GUCD1: variants seen among roughly 807,000 people sequenced by gnomAD.
The protein encoded by GUCD1 is protein GUCD1.
A neutral mutation model predicts 28.3 loss-of-function variants in GUCD1; 17 were observed. The observed-to-expected ratio is 0.60, with a 90% CI of 0.41 to 0.90. The LOEUF is 0.90. Ranked by LOEUF, GUCD1 falls within the 40% of genes least tolerant of loss-of-function variation. GUCD1 has a pLI of 0.00. For missense variants in GUCD1, 279 were observed against 305.5 expected (o/e 0.91, Z 0.65); for synonymous variants, 129 against 123.3 (o/e 1.05, Z -0.30).
chr22:24,555,867 TAG>T (rs1441997042), upstream of GUCD1: 2 of 1,524,730 alleles, frequency 1.3e-6, no homozygotes, highest in Admixed American at 3.9e-5. Flanking sequence ...ACTGGTGCCC[TAG>T]TTTCCCAGCC....
Position 24,555,069 on chromosome 22 carries a change from G to A in GUCD1, c.-78C>T, listed in dbSNP as rs1285718113. The A allele has an allele frequency of 3.7e-6, 5 of 1,348,372 alleles. No individual in the cohort carries two copies. The highest frequency in any genetic ancestry group is 3.9e-5 in the Admixed American group (1 of 25,548). The allele number at this position is 1,348,372 out of a possible 1,614,324, so 83.5% of individuals were successfully genotyped here. On this transcript the variant is annotated 5_prime_UTR_variant, in exon 1 of 6. Transcript: ENST00000435822. Reference sequence around the variant, plus strand: ...TCCGCTTCGGCTGGGGCGGGAGGGCGGTCGGTGCGTGTCGAGTTCCTTCTC... The same window carrying A: ...TCCGCTTCGGCTGGGGCGGGAGGGCAGTCGGTGCGTGTCGAGTTCCTTCTC...
intron 5 of GUCD1, 69 bp downstream of exon 5, chr22:24,543,773 T>G (rs2044652775): frequency 1.3e-6 from 2 of 1,568,602 alleles, no homozygotes; most frequent in African/African-American, 2.7e-5. Context: ...GGGTGGGAAC[T>G]GTGGGCACTG....
At chr22:24,555,685 C>G (rs1359028698), upstream of GUCD1, 16 of 1,550,536 alleles carry the variant, frequency 1.0e-5, no homozygotes, top group Non-Finnish European at 1.4e-5. Flanking sequence ...CTCCTGCTGT[C>G]CCCGGTCTGA....
At position 24,546,901 on chromosome 22, in the gene GUCD1, T is replaced by C. The variant is rs371120993; in HGVS notation, c.386+13A>G. On this transcript the variant is annotated intron_variant, in intron 4 of 5. Transcript: ENST00000435822. Reference sequence around the variant, plus strand: ...ATGAGAGGAAGGGCAGGTAGGAAAGTTGGGGGGCTCACCATTTCTCCACCA... The same window carrying C: ...ATGAGAGGAAGGGCAGGTAGGAAAGCTGGGGGGCTCACCATTTCTCCACCA... 17 of 1,611,454 alleles carry C rather than the reference T, an allele frequency of 1.1e-5. No homozygotes were observed. Among genetic ancestry groups the C allele is most frequent in the Non-Finnish European group, 1.4e-5 (16 of 1,178,202 alleles).
At position 24,547,041 on chromosome 22, in the gene GUCD1, C is replaced by A; in HGVS notation, c.295-36G>T. On this transcript the variant is annotated intron_variant, in intron 3 of 5. Transcript: ENST00000435822. ...AAGAGGGGGATGGAGTGGCCACCACCCAGGCTGCCTTCACTCCATTTAGAT... is the reference window on the plus strand; with the variant it reads ...AAGAGGGGGATGGAGTGGCCACCACACAGGCTGCCTTCACTCCATTTAGAT... 2.7e-6 allele frequency: 4 copies of A among 1,502,076 alleles called. No homozygotes were observed. In the South Asian group the frequency reaches 4.5e-5, roughly 17 times the overall value. The allele number at this position is 1,502,076 out of a possible 1,614,324, so 93.0% of individuals were successfully genotyped here.
In GUCD1 at chr22:24,555,069, G is replaced by T; in HGVS notation, c.-78C>A. On this transcript the variant is annotated 5_prime_UTR_variant, in exon 1 of 6. Coordinates refer to ENST00000435822, the MANE Select transcript of GUCD1 (RefSeq NM_001284254.2). ...TCCGCTTCGGCTGGGGCGGGAGGGCGGTCGGTGCGTGTCGAGTTCCTTCTC... is the reference window on the plus strand; with the variant it reads ...TCCGCTTCGGCTGGGGCGGGAGGGCTGTCGGTGCGTGTCGAGTTCCTTCTC... The T allele has an allele frequency of 7.4e-7, 1 of 1,348,484 alleles. No individual in the cohort carries two copies. The highest frequency in any genetic ancestry group is 9.6e-7 in the Non-Finnish European group (1 of 1,046,436). The allele number at this position is 1,348,484 out of a possible 1,614,324, so 83.5% of individuals were successfully genotyped here.
At chr22:24,545,116 G>C (rs929158877) in intron 4 of GUCD1, among the ~76,000 whole-genome samples, 1 of 152,096 alleles carries the variant, frequency 6.6e-6, no homozygotes, top group African/African-American at 2.4e-5. Context: ...AGGGGCTCCT[G>C]CATCTTTGCT....
In GUCD1 at chr22:24,546,952, A is replaced by C. The variant is rs781186272; in HGVS notation, c.348T>G (p.Phe116Leu). 2.5e-6 allele frequency: 4 copies of C among 1,614,134 alleles called. No individual in the cohort carries two copies. Among genetic ancestry groups the C allele is most frequent in the Non-Finnish European group, 3.4e-6 (4 of 1,180,022 alleles). Reference protein sequence around the residue: ...DTEETRVNQLFAQAKACKVLV... With the variant: ...DTEETRVNQLLAQAKACKVLV... ...GCACCTTGCAGGCCTTTGCTTGTGCAAACAGCTGATTCACCCGGGTCTCTT... is the reference window on the plus strand; with the variant it reads ...GCACCTTGCAGGCCTTTGCTTGTGCCAACAGCTGATTCACCCGGGTCTCTT... The change falls in exon 4 of 6, where the codon TTT (phenylalanine) becomes TTG (leucine). Residue 116 changes from phenylalanine (F) to leucine (L), a missense_variant. Transcript: ENST00000435822.
chr22:24,555,402 A>G (rs1051291729), upstream of GUCD1: 11 of 1,236,376 alleles, frequency 8.9e-6, no homozygotes, highest in Non-Finnish European at 1.1e-5. Flanking sequence ...TTTCCTGAAT[A>G]GAGGCTCGTC....
intron 1 of GUCD1, among the ~76,000 whole-genome samples, chr22:24,549,528 T>C (rs1038293503): frequency 3.3e-5 from 5 of 152,160 alleles, no homozygotes; most frequent in African/African-American, 9.7e-5. Flanking sequence ...TTTTCTTTTT[T>C]TTCAACAGGG....
chr22:24,544,899 G>A (rs1037513176), intron 4 of GUCD1, among the ~76,000 whole-genome samples: 2 of 152,110 alleles, frequency 1.3e-5, no homozygotes, highest in Non-Finnish European at 2.9e-5. Flanking sequence ...ATGAGATTGT[G>A]GTTCCAGCTA....
Position 24,541,004 on chromosome 22 carries a change from T to C in GUCD1, c.*2002A>G, listed in dbSNP as rs2044579495. The C allele has an allele frequency of 1.2e-5, 2 of 169,854 alleles. No individual in the cohort carries two copies. The highest frequency in any genetic ancestry group is 4.1e-4 in the South Asian group (2 of 4,922). The allele number at this position is 169,854 out of a possible 1,614,324, so 10.5% of individuals were successfully genotyped here. A position where few individuals can be genotyped will look rare whatever the true frequency, so the allele number is the denominator to read the frequency against. The stretch of plus-strand genomic sequence containing the variant: ...TTCCTTCATACAGCTATTCTAACAA[T>C]TTTACCAGAACACCACCTGAAGATG... On this transcript the variant is annotated 3_prime_UTR_variant, in exon 6 of 6. Transcript: ENST00000435822.
intron 1 of GUCD1, among the ~76,000 whole-genome samples, chr22:24,549,978 T>TGTCAC (rs1201564811): frequency 1.3e-5 from 2 of 152,224 alleles, no homozygotes; most frequent in Non-Finnish European, 2.9e-5. Flanking sequence ...AGAAGGGAAC[T>TGTCAC]GTCACGTAAG....
intron 1 of GUCD1, among the ~76,000 whole-genome samples, 188 bp from the exon 2 acceptor site, chr22:24,549,189 C>T (rs533019443): frequency 5.3e-5 from 8 of 152,328 alleles, no homozygotes; most frequent in Non-Finnish European, 4.4e-5. Context: ...AAAACACCGG[C>T]CAGAGCAGGT....
rs889960554 is a variant in GUCD1 at position 24,543,159 on chromosome 22, G to A, written c.629-62C>T. On this transcript the variant is annotated intron_variant, in intron 5 of 5. Transcript: ENST00000435822. The stretch of plus-strand genomic sequence containing the variant: ...GTTGTGAGAGAGCACCTACACCACC[G>A]ACACAGTGCCCAGGGGAGCTGAGTG... The A allele has an allele frequency of 1.4e-5, 16 of 1,175,118 alleles. No individual in the cohort carries two copies. In the African/African-American group the frequency reaches 1.5e-4, roughly 11 times the overall value. The allele number at this position is 1,175,118 out of a possible 1,614,324, so 72.8% of individuals were successfully genotyped here.
At chr22:24,555,210 G>A (rs1331557131), upstream of GUCD1, 92 of 470,932 alleles carry the variant, frequency 2.0e-4, no homozygotes, top group Non-Finnish European at 2.9e-5. Flanking sequence ...CTTAGGCCCC[G>A]CCCCAAACTT....
At chr22:24,554,890 C>A (rs759077922) in intron 1 of GUCD1, 59 bp downstream of exon 1, 7 of 1,378,128 alleles carry the variant, frequency 5.1e-6, no homozygotes, top group Non-Finnish European at 7.1e-6. Flanking sequence ...CTGCCCCGCG[C>A]TAGGGAGGGG....
At chr22:24,544,883 G>A (rs1167450268) in intron 4 of GUCD1, among the ~76,000 whole-genome samples, 1 of 152,140 alleles carries the variant, frequency 6.6e-6, no homozygotes, top group Non-Finnish European at 1.5e-5. Flanking sequence ...CGTGGGGCGT[G>A]GTGGTATGAG....
intron 1 of GUCD1, among the ~76,000 whole-genome samples, chr22:24,554,249 C>T (rs923212511): frequency 3.9e-5 from 6 of 152,186 alleles, no homozygotes; most frequent in Admixed American, 2.0e-4. Flanking sequence ...GACCACAGGG[C>T]TAGACAACTG....
Sources: allele counts gnomAD v4.1 joint callset (sites outside exome capture counted in the v4.1 genomes callset), GRCh38; gene constraint gnomAD v4.1.1; transcripts MANE v1.5; gene names NCBI Gene and HGNC (gene_info 2026-07-23, HGNC 2026-07-21).